The following CRTAC1 variants were observed in gnomAD, a reference collection of about 807,000 sequenced individuals.
CRTAC1 encodes cartilage acidic protein 1.
CRTAC1 carries 37 observed loss-of-function variants against 67.8 expected under a neutral mutation model. That is an observed-to-expected ratio of 0.55 (90% CI 0.42 to 0.72). The LOEUF is 0.72. Among genes scored for constraint, CRTAC1 ranks in the 30% least tolerant of loss-of-function variants. The pLI, the probability that CRTAC1 is intolerant of heterozygous loss-of-function variation, is 0.00. For missense variants in CRTAC1, 780 were observed against 931.6 expected, an observed-to-expected ratio of 0.84 and a Z score of 2.12; for synonymous variants, 348 against 371.0, an observed-to-expected ratio of 0.94 and a Z score of 0.71.
chr10:97,887,227 G>GTT (rs71007369), intron 11 of CRTAC1, among the ~76,000 whole-genome samples: 47 of 127,926 alleles, frequency 3.7e-4, no homozygotes, highest in Non-Finnish European at 4.1e-4. Flanking sequence ...CGGCACTTAG[G>GTT]TTTTTTTTTT....
intron 8 of CRTAC1, among the ~76,000 whole-genome samples, chr10:97,897,627 A>C (rs1011330531): frequency 6.6e-6 from 1 of 152,202 alleles, no homozygotes; most frequent in Non-Finnish European, 1.5e-5. Context: ...AGGCAAAGAG[A>C]GGAAAGGGGT....
intron 14 of CRTAC1, chr10:97,879,875 G>A: frequency 8.1e-7 from 1 of 1,241,352 alleles, no homozygotes. Context: ...TGGGGGTGGA[G>A]GAAGGAGTTT....
intron 2 of CRTAC1, among the ~76,000 whole-genome samples, chr10:98,010,561 T>G (rs1402827813): frequency 6.6e-6 from 1 of 152,122 alleles, no homozygotes. Flanking sequence ...AGTCTTATGC[T>G]TTTTTTGCAA....
At chr10:97,893,478 A>G (rs1370733653) in intron 11 of CRTAC1, among the ~76,000 whole-genome samples, 3 of 152,058 alleles carry the variant, frequency 2.0e-5, no homozygotes, top group African/African-American at 7.2e-5. Flanking sequence ...GGTGTTTCTC[A>G]ATGTTTTTTC....
At chr10:98,021,010 CTCATTCAT>C (rs3075454) in intron 1 of CRTAC1, among the ~76,000 whole-genome samples, 8,005 of 151,780 alleles carry the variant, frequency 0.053, 599 homozygotes, top group African/African-American at 0.16. Context: ...CCACTATTCA[CTCATTCAT>C]TCATTCATTC....
chr10:97,917,082 A>G (rs1266866702), intron 5 of CRTAC1, among the ~76,000 whole-genome samples: 2 of 152,232 alleles, frequency 1.3e-5, no homozygotes, highest in Non-Finnish European at 2.9e-5. Flanking sequence ...GTGTAAGTAA[A>G]TAATTTCATC....
chr10:97,877,641 A>T lies in CRTAC1; in HGVS notation c.1819+2608T>A, dbSNP rs150865019. On this transcript the variant is annotated intron_variant, in intron 14 of 14. Coordinates refer to ENST00000370597, the MANE Select transcript of CRTAC1 (RefSeq NM_018058.7). ...TAGGTGCTCAATCAGTATCTGTTGA[A>T]CTCATGAATGAATCAAATGGAAGCC... Among the ~76,000 whole-genome samples, 4 of 152,316 alleles carry T rather than the reference A, an allele frequency of 2.6e-5. No homozygotes were observed. The East Asian group carries it at 5.8e-4, about 22-fold the overall frequency.
intron 3 of CRTAC1, among the ~76,000 whole-genome samples, chr10:97,931,576 G>A (rs1254039557): frequency 2.0e-5 from 3 of 152,240 alleles, no homozygotes; most frequent in Non-Finnish European, 4.4e-5. Context: ...AGAGCAAAGA[G>A]TGGAACCATG....
intron 7 of CRTAC1, among the ~76,000 whole-genome samples, chr10:97,902,763 G>C (rs2050559534): frequency 6.6e-6 from 1 of 152,146 alleles, no homozygotes; most frequent in African/African-American, 2.4e-5. Flanking sequence ...GCCTCCTGCT[G>C]CAGACCCTCT....
chr10:97,963,381 G>T (rs1347936926), intron 2 of CRTAC1, among the ~76,000 whole-genome samples: 1 of 152,174 alleles, frequency 6.6e-6, no homozygotes, highest in African/African-American at 2.4e-5. Flanking sequence ...AAACTCTGAG[G>T]ATGAGGCCCA....
rs541309697 is a variant in CRTAC1, at chr10:97,917,725, A to G, written c.559-69T>C. 3.1e-4 allele frequency: 399 copies of G among 1,300,978 alleles called. 2 individuals are homozygous for G. In the African/African-American group the frequency reaches 5.2e-3, roughly 17 times the overall value. 80.6% of individuals were successfully genotyped at this position (1,300,978 alleles called of 1,614,324 possible). On this transcript the variant is annotated intron_variant, in intron 4 of 14. Coordinates refer to ENST00000370597, the MANE Select transcript of CRTAC1 (RefSeq NM_018058.7). ...TCATCCCAGAAACCGCCCCCTCCCC[A>G]CCCCAGGTAGGACCATAGCTCTTTC...
rs2050469330 is a variant in CRTAC1 at position 97,896,960 on chromosome 10, T to C, written c.1165A>G (p.Ile389Val). The change falls in exon 9 of 15, where the codon ATC (isoleucine) becomes GTC (valine). Residue 389 changes from isoleucine to valine, a missense_variant. Ile to Val is a conservative substitution (Grantham distance 29, BLOSUM62 3). Coordinates refer to ENST00000370597, the MANE Select transcript of CRTAC1 (RefSeq NM_018058.7). ...VIRREHGDPLIEELNPGDALE... is the reference protein window; with the variant it reads ...VIRREHGDPLVEELNPGDALE... ...GCGTCGCCGGGATTGAGCTCCTCGA[T>C]GAGGGGGTCTCCGTGCTCTCTACGG... is the stretch of plus-strand genomic sequence containing the variant. 4 of 1,560,636 alleles carry C rather than the reference T, an allele frequency of 2.6e-6. No individual in the cohort carries two copies. The highest frequency in any genetic ancestry group is 3.5e-6 in the Non-Finnish European group (4 of 1,151,540).
chr10:97,997,261 AT>A (rs1464290474), intron 2 of CRTAC1, among the ~76,000 whole-genome samples: 14 of 144,290 alleles, frequency 9.7e-5, no homozygotes, highest in African/African-American at 3.0e-4. Context: ...AATAATAATA[AT>A]AATAATAAAT....
At chr10:97,905,541 C>A in intron 6 of CRTAC1, among the ~76,000 whole-genome samples, 1 of 152,322 alleles carries the variant, frequency 6.6e-6, no homozygotes, top group East Asian at 1.9e-4. Flanking sequence ...TCACAATGTG[C>A]GGTTACGTTC....
At chr10:97,992,448 T>C (rs1054333350) in intron 2 of CRTAC1, among the ~76,000 whole-genome samples, 7 of 152,222 alleles carry the variant, frequency 4.6e-5, no homozygotes, top group African/African-American at 9.7e-5. Context: ...ACTGGGTATA[T>C]ATCCAAGGGA....
chr10:97,936,157 C>A lies in CRTAC1; in HGVS notation c.421+13G>T, dbSNP rs563153739. On this transcript the variant is annotated intron_variant, in intron 3 of 14. Coordinates refer to ENST00000370597, the MANE Select transcript of CRTAC1 (RefSeq NM_018058.7). Reference sequence around the variant, plus strand: ...GATGGGAAGCAGGAAGAGGCCTGAGCCCCAGCCCTTACCCGAGAAGGCATT... The same window carrying A: ...GATGGGAAGCAGGAAGAGGCCTGAGACCCAGCCCTTACCCGAGAAGGCATT... 1.9e-6 allele frequency: 3 copies of A among 1,588,186 alleles called. No individual in the cohort carries two copies. Among genetic ancestry groups the A allele is most frequent in the African/African-American group, 2.7e-5 (2 of 74,664 alleles).
Position 98,029,844 on chromosome 10 carries a change from G to A in CRTAC1, c.24+605C>T, listed in dbSNP as rs1384758245. Among the ~76,000 whole-genome samples, 3 of 152,192 alleles carry A rather than the reference G, an allele frequency of 2.0e-5. No homozygotes were observed. The highest frequency in any genetic ancestry group is 6.5e-5 in the Admixed American group (1 of 15,290). On this transcript the variant is annotated intron_variant, in intron 1 of 14. Coordinates refer to ENST00000370597, the MANE Select transcript of CRTAC1 (RefSeq NM_018058.7). The surrounding 1 kb of genome is among the most constrained non-coding windows in gnomAD (Gnocchi z 4.7). ...CCGGCTTGCCTCAGGCAGCCTGAAG[G>A]GAAGACCACACCTCGTCCAGCATAA...
chr10:97,873,491 C>T (rs143888390), intron 14 of CRTAC1, among the ~76,000 whole-genome samples: 2 of 152,318 alleles, frequency 1.3e-5, no homozygotes, highest in South Asian at 2.1e-4. Flanking sequence ...GGCTCACTTT[C>T]CTTCCTTTGG....
At chr10:97,989,185 C>T (rs960396804) in intron 2 of CRTAC1, among the ~76,000 whole-genome samples, 3 of 152,162 alleles carry the variant, frequency 2.0e-5, no homozygotes, top group African/African-American at 7.2e-5. Flanking sequence ...GAACCTTTTG[C>T]TTGCAGACGG....
Sources: gnomAD v4.1 joint callset for allele counts (sites outside exome capture counted in the v4.1 genomes callset) on GRCh38, gnomAD v4.1.1 for gene constraint, Gnocchi (gnomAD v3.1) non-coding constraint, MANE v1.5 for transcripts, NCBI Gene and HGNC (gene_info 2026-07-23, HGNC 2026-07-21) for gene names.